Variants in SNTG1 observed in about 807,000 individuals in gnomAD.
SNTG1 encodes gamma-1-syntrophin.
SNTG1 carries 39 observed loss-of-function variants against 74.7 expected under a neutral mutation model. The ratio of observed to expected loss-of-function variants is 0.52; its 90% CI spans 0.40 to 0.68. The LOEUF (loss-of-function observed/expected upper bound fraction) is 0.68. Among genes scored for constraint, SNTG1 ranks in the 30% least tolerant of loss-of-function variants. The probability of loss-of-function intolerance (pLI) is 0.00; values close to 1 mark genes in which losing one functional copy is unlikely to be tolerated. For synonymous variants in SNTG1, 254 were observed against 217.1 expected (o/e 1.17, Z -1.49); for missense variants, 685 against 609.5 (o/e 1.12, Z -1.30).
intron 18 of SNTG1, among the ~76,000 whole-genome samples, chr8:50,771,415 T>C (rs1302719094): frequency 6.6e-6 from 1 of 152,098 alleles, no homozygotes; most frequent in African/African-American, 2.4e-5. Context: ...AGAAGAAAAC[T>C]TCAGGTAGTA....
intron 2 of SNTG1, among the ~76,000 whole-genome samples, chr8:50,379,634 C>G (rs533763301): frequency 6.6e-6 from 1 of 152,312 alleles, no homozygotes; most frequent in East Asian, 1.9e-4. Flanking sequence ...TGGCAACTGC[C>G]GCTCCAGACA....
rs1439190229 is a variant in SNTG1, at chr8:50,570,300, C to T, written c.810+17121C>T. On this transcript the variant is annotated intron_variant, in intron 12 of 18. Transcript: ENST00000642720. ...TATAGATGGAGTCTCGCTCTGTCAC[C>T]CAGGCTGGATTACAGTGGTGCGATC... 1.4e-4 allele frequency among the ~76,000 whole-genome samples: 6 copies of T among 43,116 alleles called. No homozygotes were observed. In the South Asian group the frequency reaches 3.3e-3, roughly 24 times the overall value. The allele number at this position is 43,116 out of a possible 152,430, so 28.3% of individuals were successfully genotyped here.
chr8:50,441,427 C>A (rs540363686), intron 5 of SNTG1, among the ~76,000 whole-genome samples: 1 of 152,174 alleles, frequency 6.6e-6, no homozygotes, highest in African/African-American at 2.4e-5. Flanking sequence ...AGTGTCCCTA[C>A]GGCTTAATTC....
intron 1 of SNTG1, among the ~76,000 whole-genome samples, chr8:49,941,189 C>T (rs1808653586): frequency 6.6e-6 from 1 of 152,034 alleles, no homozygotes; most frequent in Non-Finnish European, 1.5e-5. Context: ...GACCCTTTCC[C>T]TGCTTTCTGT....
At chr8:50,252,651 G>T (rs959114567) in intron 2 of SNTG1, among the ~76,000 whole-genome samples, 1 of 152,122 alleles carries the variant, frequency 6.6e-6, no homozygotes, top group African/African-American at 2.4e-5. Context: ...ACATGGCAAG[G>T]CTGAGAACAA....
chr8:50,029,285 G>C (rs1173911340), intron 1 of SNTG1, among the ~76,000 whole-genome samples: 1 of 151,968 alleles, frequency 6.6e-6, no homozygotes, highest in Non-Finnish European at 1.5e-5. Context: ...TAATCTCAAT[G>C]GGTAATAATC....
chr8:50,479,760 C>G (rs1180037909), intron 8 of SNTG1, among the ~76,000 whole-genome samples: 1 of 152,044 alleles, frequency 6.6e-6, no homozygotes, highest in Non-Finnish European at 1.5e-5. Flanking sequence ...TCTACCGTTT[C>G]ATGTTGCCTC....
intron 2 of SNTG1, among the ~76,000 whole-genome samples, chr8:50,371,037 A>G (rs772224915): frequency 6.6e-6 from 1 of 152,168 alleles, no homozygotes; most frequent in Admixed American, 6.5e-5. Context: ...AATGTGACCA[A>G]GTTAGAAATG....
chr8:50,294,450 C>T (rs989576421), intron 2 of SNTG1, among the ~76,000 whole-genome samples: 1 of 152,146 alleles, frequency 6.6e-6, no homozygotes, highest in Non-Finnish European at 1.5e-5. Context: ...ATTATGGATA[C>T]TGGCAAGCCC....
intron 1 of SNTG1, among the ~76,000 whole-genome samples, chr8:49,979,392 T>A (rs1812476096): frequency 6.6e-6 from 1 of 152,238 alleles, no homozygotes; most frequent in African/African-American, 2.4e-5. Context: ...ACAGCTTTTG[T>A]ATGTCCTGTC....
At chr8:50,590,976 T>C in intron 13 of SNTG1, 59 bp downstream of exon 13, 1 of 1,234,310 alleles carries the variant, frequency 8.1e-7, no homozygotes, top group Non-Finnish European at 1.1e-6. Flanking sequence ...TTATTGATTA[T>C]AGAAGATAAC....
At chr8:50,614,556 T>C (rs1226345861) in intron 13 of SNTG1, among the ~76,000 whole-genome samples, 1 of 152,134 alleles carries the variant, frequency 6.6e-6, no homozygotes, top group East Asian at 1.9e-4. Flanking sequence ...ATGATAACAT[T>C]TGTAGTTATT....
intron 12 of SNTG1, among the ~76,000 whole-genome samples, chr8:50,564,043 C>T (rs1289611586): frequency 1.3e-5 from 2 of 151,890 alleles, no homozygotes; most frequent in African/African-American, 4.8e-5. Flanking sequence ...ATCCAACTTT[C>T]TTTTTCAAAG....
chr8:49,994,956 G>GA (rs1189219477), intron 1 of SNTG1, among the ~76,000 whole-genome samples: 2 of 152,170 alleles, frequency 1.3e-5, no homozygotes, highest in East Asian at 1.9e-4. Context: ...TAAGTGCTAG[G>GA]AAAAAGGTGT....
intron 2 of SNTG1, among the ~76,000 whole-genome samples, chr8:50,181,522 T>G (rs1212484892): frequency 6.6e-6 from 1 of 152,214 alleles, no homozygotes; most frequent in Non-Finnish European, 1.5e-5. Context: ...GGGCTATACA[T>G]TCTCATTTTA....
chr8:50,104,955 G>A (rs2080307788), intron 1 of SNTG1, among the ~76,000 whole-genome samples: 1 of 152,004 alleles, frequency 6.6e-6, no homozygotes, highest in Admixed American at 6.6e-5. Flanking sequence ...GTAGGATGCA[G>A]AATTTGCAAA....
chr8:50,110,122 G>A (rs203908), intron 1 of SNTG1, among the ~76,000 whole-genome samples: 94,129 of 152,002 alleles, frequency 0.62, 29,512 homozygotes, highest in East Asian at 0.83. Flanking sequence ...CTGCTCCTGC[G>A]TATCTCTTAG....
chr8:50,541,280 T>G (rs955398324), intron 11 of SNTG1, among the ~76,000 whole-genome samples: 1 of 150,956 alleles, frequency 6.6e-6, no homozygotes. Flanking sequence ...TGTGTGTGCA[T>G]GTTTATTTCT....
chr8:50,079,658 T>C (rs1225942994), intron 1 of SNTG1, among the ~76,000 whole-genome samples: 3 of 152,182 alleles, frequency 2.0e-5, no homozygotes, highest in Non-Finnish European at 4.4e-5. Context: ...TCCTAAGTGG[T>C]ATTGCCTAGG....
Sources: allele counts gnomAD v4.1 joint callset (sites outside exome capture counted in the v4.1 genomes callset), GRCh38; gene constraint gnomAD v4.1.1; transcripts MANE v1.5; gene names NCBI Gene and HGNC (gene_info 2026-07-23, HGNC 2026-07-21).